STARD5: variants seen among roughly 807,000 people sequenced by gnomAD.
The protein encoded by STARD5 is StAR related lipid transfer domain containing 5, also known as stAR-related lipid transfer protein 5.
STARD5 carries 26 observed loss-of-function variants against 24.6 expected under a neutral mutation model. The ratio of observed to expected loss-of-function variants is 1.06; its 90% CI spans 0.77 to 1.47. STARD5 has a LOEUF of 1.47. Among genes scored for constraint, STARD5 ranks in the 40% most tolerant of loss-of-function variants. The pLI is 0.00. For synonymous variants in STARD5, 101 were observed against 99.7 expected (o/e 1.01, Z -0.07); for missense variants, 254 against 270.8 (o/e 0.94, Z 0.44).
intron 3 of STARD5, among the ~76,000 whole-genome samples, chr15:81,320,532 A>T (rs1232977106): frequency 6.6e-6 from 1 of 152,198 alleles, no homozygotes; most frequent in Admixed American, 6.5e-5. Flanking sequence ...TCCTATCATG[A>T]ATTGTCCCAG....
intron 5 of STARD5, chr15:81,314,095 T>C (rs1346745380): frequency 6.6e-6 from 1 of 152,226 alleles, no homozygotes; most frequent in Non-Finnish European, 1.5e-5. Context: ...ATTTTTAACA[T>C]TTCTCAAATT....
At chr15:81,314,870 G>T (rs1901041599) in intron 5 of STARD5, among the ~76,000 whole-genome samples, 1 of 105,882 alleles carries the variant, frequency 9.4e-6, no homozygotes, top group Non-Finnish European at 1.9e-5. Context: ...TGGGTGACAA[G>T]AGCAAAACCC....
At position 81,314,893 on chromosome 15, in the gene STARD5, GAAAAAA is replaced by G. The variant is rs5814055; in HGVS notation, c.495-1496_495-1491del. Reference sequence around the variant, plus strand: ...AAGAGCAAAACCCCACCTCAAAAAAGAAAAAAAAAAAAAAAAAAAAAAGAATCTCAC... The same window carrying G: ...AAGAGCAAAACCCCACCTCAAAAAAGAAAAAAAAAAAAAAAAGAATCTCAC... On this transcript the variant is annotated intron_variant, in intron 5 of 5. Transcript: ENST00000302824. 3.0e-3 allele frequency among the ~76,000 whole-genome samples: 309 copies of G among 104,060 alleles called. 1 individual carries two copies. Among genetic ancestry groups the G allele is most frequent in the African/African-American group, 9.2e-3 (284 of 30,750 alleles). 68.3% of individuals were successfully genotyped at this position (104,060 alleles called of 152,430 possible).
chr15:81,321,392 A>G (rs1901191808), intron 3 of STARD5, among the ~76,000 whole-genome samples: 1 of 152,118 alleles, frequency 6.6e-6, no homozygotes, highest in African/African-American at 2.4e-5. Context: ...TGGGGGGATC[A>G]TGAGGTCAAG....
intron 3 of STARD5, among the ~76,000 whole-genome samples, chr15:81,321,915 T>C (rs1893297679): frequency 6.6e-6 from 1 of 152,272 alleles, no homozygotes; most frequent in Non-Finnish European, 1.5e-5. Context: ...AAAAATGACA[T>C]GCTTTGCAAC....
intron 5 of STARD5, among the ~76,000 whole-genome samples, chr15:81,316,011 C>T (rs35374001): frequency 0.1 from 15,836 of 152,126 alleles, 1,181 homozygotes; most frequent in South Asian, 0.34. Context: ...CCTCATGGGC[C>T]GAATGTCCTA....
rs1893321077 is a variant in STARD5 at position 81,323,014 on chromosome 15, C to G, written c.100-66G>C. ...GGGCTCTGGTCACCTGGCTTAATCC[C>G]CTGTTCTACAGAAGAGGGGTAAGAG... On this transcript the variant is annotated intron_variant, in intron 1 of 5. Transcript: ENST00000302824. 5 of 1,582,500 alleles carry G rather than the reference C, an allele frequency of 3.2e-6. No individual in the cohort carries two copies. The East Asian group carries it at 9.0e-5, about 28-fold the overall frequency.
chr15:81,322,967 C>T lies in STARD5; in HGVS notation c.100-19G>A, dbSNP rs761618911. On this transcript the variant is annotated intron_variant, in intron 1 of 5. Transcript: ENST00000302824. ...CTCCATTCTGTCAAAAGGCACAGAA[C>T]CACAGAATTTTAGAGCTAGAAGGGC... is the stretch of plus-strand genomic sequence containing the variant. 6.2e-7 allele frequency: 1 copy of T among 1,613,946 alleles called. No individual in the cohort carries two copies. The highest frequency in any genetic ancestry group is 1.7e-5 in the Admixed American group (1 of 60,022).
intron 5 of STARD5, chr15:81,313,608 C>T (rs1900983956): frequency 2.6e-6 from 1 of 390,898 alleles, no homozygotes; most frequent in Non-Finnish European, 4.4e-6. Context: ...GGATGCATTC[C>T]ACAGCCTCTC....
Position 81,324,138 on chromosome 15 carries a change from TTA to T in STARD5, c.-41_-40del. On this transcript the variant is annotated 5_prime_UTR_variant, in exon 1 of 6. Transcript: ENST00000302824. ...GCGCTTAGCTGCGGGGTCGCGGGTG[TTA>T]TGAGCGGCGGCGCTGGATCCCGGGT... 1 of 1,295,120 alleles carries T rather than the reference TTA, an allele frequency of 7.7e-7. No homozygotes were observed. The highest frequency in any genetic ancestry group is 3.7e-5 in the Admixed American group (1 of 27,106). 80.2% of individuals were successfully genotyped at this position (1,295,120 alleles called of 1,614,324 possible).
intron 1 of STARD5, chr15:81,323,218 C>T: frequency 2.0e-6 from 1 of 497,024 alleles, no homozygotes; most frequent in Admixed American, 3.4e-5. Flanking sequence ...CATTCTGTTT[C>T]CTTGAGCAAC....
intron 5 of STARD5, among the ~76,000 whole-genome samples, chr15:81,317,244 G>A (rs1039818301): frequency 6.7e-6 from 1 of 149,498 alleles, no homozygotes; most frequent in Non-Finnish European, 1.5e-5. Context: ...CTGGCATGAG[G>A]GCGTGATGCT....
At chr15:81,322,999 C>T in intron 1 of STARD5, 51 bp from the exon 2 acceptor site, 1 of 1,599,708 alleles carries the variant, frequency 6.3e-7, no homozygotes, top group South Asian at 1.1e-5. Flanking sequence ...GGGCTCTGGT[C>T]ACCTGGCTTA....
rs1893344315 is a variant in STARD5, at chr15:81,324,104, T to C, written c.-5A>G. On this transcript the variant is annotated 5_prime_UTR_variant, in exon 1 of 6. Transcript: ENST00000302824. ...GGCTGCCAGCGCCGGGTCCATTGCGTCGGGAGCTGCGCTTAGCTGCGGGGT... is the reference window on the plus strand; with the variant it reads ...GGCTGCCAGCGCCGGGTCCATTGCGCCGGGAGCTGCGCTTAGCTGCGGGGT... 6.9e-7 allele frequency: 1 copy of C among 1,445,426 alleles called. No homozygotes were observed. Among genetic ancestry groups the C allele is most frequent in the African/African-American group, 1.4e-5 (1 of 69,764 alleles). 89.5% of individuals were successfully genotyped at this position (1,445,426 alleles called of 1,614,324 possible). A position where few individuals can be genotyped will look rare whatever the true frequency, so the allele number is the denominator to read the frequency against.
chr15:81,319,207 T>G, intron 4 of STARD5, 132 bp downstream of exon 4: 2 of 802,618 alleles, frequency 2.5e-6, no homozygotes, highest in Non-Finnish European at 4.2e-6. Flanking sequence ...CCCAACCAGA[T>G]GAGGTAGGGG....
chr15:81,310,345 A>T lies in STARD5; in HGVS notation c.*2911T>A, dbSNP rs1900786974. The T allele has an allele frequency of 6.6e-6, 1 of 152,174 alleles. No homozygotes were observed. Among genetic ancestry groups the T allele is most frequent in the Admixed American group, 6.5e-5 (1 of 15,280 alleles). 9.4% of individuals were successfully genotyped at this position (152,174 alleles called of 1,614,324 possible). On this transcript the variant is annotated 3_prime_UTR_variant, in exon 6 of 6. Coordinates refer to ENST00000302824, the MANE Select transcript of STARD5 (RefSeq NM_181900.3). ...CATCTGGGCTCCTAACCTTCCTGTA[A>T]ACCCCTTTAGTGGCTTCATTAGAGC...
At position 81,312,572 on chromosome 15, in the gene STARD5, T is replaced by G. The variant is rs1900917821; in HGVS notation, c.*684A>C. 1 of 152,228 alleles carries G rather than the reference T, an allele frequency of 6.6e-6. No individual in the cohort carries two copies. The allele number at this position is 152,228 out of a possible 1,614,324, so 9.4% of individuals were successfully genotyped here. A position where few individuals can be genotyped will look rare whatever the true frequency, so the allele number is the denominator to read the frequency against. ...TGCTGCAGATTTGGGCTGGAACAGA[T>G]TCACACTGTCTGGTTTCACCGAGGA... On this transcript the variant is annotated 3_prime_UTR_variant, in exon 6 of 6. Transcript: ENST00000302824.
chr15:81,321,915 T>A (rs1893297679), intron 3 of STARD5, among the ~76,000 whole-genome samples: 1 of 152,272 alleles, frequency 6.6e-6, no homozygotes, highest in Admixed American at 6.5e-5. Context: ...AAAAATGACA[T>A]GCTTTGCAAC....
At chr15:81,316,824 G>A (rs1190026344) in intron 5 of STARD5, among the ~76,000 whole-genome samples, 3 of 152,154 alleles carry the variant, frequency 2.0e-5, no homozygotes, top group Admixed American at 6.6e-5. Context: ...CAAGTGGAGA[G>A]GAGTTGGAAG....
Sources: allele counts gnomAD v4.1 joint callset (sites outside exome capture counted in the v4.1 genomes callset), GRCh38; gene constraint gnomAD v4.1.1; transcripts MANE v1.5; gene names NCBI Gene and HGNC (gene_info 2026-07-23, HGNC 2026-07-21).